DARS1: variants seen among roughly 807,000 people sequenced by gnomAD.
DARS1 encodes the protein aspartate--tRNA ligase, cytoplasmic.
Under a neutral mutation model 68.8 loss-of-function variants are expected in DARS1, and 51 were observed. That is an observed-to-expected ratio of 0.74 (90% confidence interval 0.59 to 0.94). DARS1 has a LOEUF of 0.94. Ranked by LOEUF, DARS1 falls within the 40% of genes least tolerant of loss-of-function variation. The pLI, the probability that DARS1 is intolerant of heterozygous loss-of-function variation, is 0.00. For synonymous variants in DARS1, 203 were observed against 190.4 expected, an observed-to-expected ratio of 1.07 and a Z score of -0.55; for missense variants, 607 against 597.3, an observed-to-expected ratio of 1.02 and a Z score of -0.17.
Position 135,914,472 on chromosome 2 carries a change from T to C in DARS1, c.1146A>G (p.Glu382=), listed in dbSNP as rs1680964345. The change falls in exon 12 of 16, where the codon GAA becomes GAG. Residue 382 remains glutamate (E), a synonymous_variant. Coordinates refer to ENST00000264161, the MANE Select transcript of DARS1 (RefSeq NM_001349.4). ...TCCAGCATATAAAGAGTCCTACCTT[T>C]TCCTTTACCAAATGACCCAACAGCT... ...NEKLLGHLVK[E]KYDTDFYILD... 1 of 1,391,238 alleles carries C rather than the reference T, an allele frequency of 7.2e-7. No homozygotes were observed. Among genetic ancestry groups the C allele is most frequent in the Non-Finnish European group, 1.0e-6 (1 of 976,674 alleles). The allele number at this position is 1,391,238 out of a possible 1,614,324, so 86.2% of individuals were successfully genotyped here. A position where few individuals can be genotyped will look rare whatever the true frequency, so the allele number is the denominator to read the frequency against.
At chr2:135,959,742 T>C (rs938789337) in intron 4 of DARS1, among the ~76,000 whole-genome samples, 3 of 152,316 alleles carry the variant, frequency 2.0e-5, no homozygotes, top group Admixed American at 2.0e-4. Flanking sequence ...TGCCTCTCAC[T>C]GAATATTATG....
intron 3 of DARS1, among the ~76,000 whole-genome samples, chr2:135,977,409 A>C (rs1361668831): frequency 1.3e-5 from 2 of 152,240 alleles, no homozygotes; most frequent in Non-Finnish European, 2.9e-5. Flanking sequence ...GAAGAAACAG[A>C]CATGGCAGTC....
At position 135,908,936 on chromosome 2, in the gene DARS1, C is replaced by T. The variant is rs149498040; in HGVS notation, c.1415-1529G>A. Among the ~76,000 whole-genome samples the T allele has an allele frequency of 8.9e-3, 1,358 of 152,154 alleles. 15 individuals carry two copies. The highest frequency in any genetic ancestry group is 0.029 in the African/African-American group (1,217 of 41,496). On this transcript the variant is annotated intron_variant, in intron 15 of 15. Transcript: ENST00000264161. ...AAGTAAACGTAGTACATATATACCA[C>T]GGAATACTATGCAGCCATAAAAAGG... is the stretch of plus-strand genomic sequence containing the variant.
intron 7 of DARS1, among the ~76,000 whole-genome samples, chr2:135,925,572 T>C (rs1458529662): frequency 1.3e-5 from 2 of 152,252 alleles, no homozygotes; most frequent in Non-Finnish European, 2.9e-5. Context: ...AAAACATTCA[T>C]GTAAACTGGT....
In DARS1 at chr2:135,907,255, T is replaced by TTTTTTTTTTTTTTTTTTTTTTTTG. The variant is rs1680804838; in HGVS notation, c.*60_*61insCAAAAAAAAAAAAAAAAAAAAAAA. ...AAGTGTGGCTTTCTTTTTTTTTTTT[T>TTTTTTTTTTTTTTTTTTTTTTTTG]TTTTTTGAGGCAGGGTCTCGCTCTG... On this transcript the variant is annotated 3_prime_UTR_variant, in exon 16 of 16. Coordinates refer to ENST00000264161, the MANE Select transcript of DARS1 (RefSeq NM_001349.4). The TTTTTTTTTTTTTTTTTTTTTTTTG allele has an allele frequency of 1.1e-6, 1 of 905,330 alleles. No individual in the cohort carries two copies. The highest frequency in any genetic ancestry group is 1.8e-5 in the African/African-American group (1 of 55,112). The allele number at this position is 905,330 out of a possible 1,614,324, so 56.1% of individuals were successfully genotyped here. A position where few individuals can be genotyped will look rare whatever the true frequency, so the allele number is the denominator to read the frequency against.
chr2:135,933,492 C>T (rs1418247905), intron 6 of DARS1, among the ~76,000 whole-genome samples: 1 of 152,172 alleles, frequency 6.6e-6, no homozygotes, highest in Non-Finnish European at 1.5e-5. Context: ...AGGCAATGGA[C>T]TGCTAAATAC....
chr2:135,912,768 A>G (rs1240745381), intron 12 of DARS1, among the ~76,000 whole-genome samples: 1 of 151,636 alleles, frequency 6.6e-6, no homozygotes, highest in African/African-American at 2.4e-5. Flanking sequence ...GCAATACCTA[A>G]TTTTTAGGCA....
chr2:135,937,245 C>A (rs989236605), intron 5 of DARS1, among the ~76,000 whole-genome samples: 5 of 152,000 alleles, frequency 3.3e-5, no homozygotes, highest in African/African-American at 1.2e-4. Flanking sequence ...CCTGCCACCA[C>A]GCCTGGCTAA....
chr2:135,911,590 T>C (rs1680898040), intron 13 of DARS1, 97 bp from the exon 14 acceptor site: 1 of 657,620 alleles, frequency 1.5e-6, no homozygotes. Flanking sequence ...AGCAAGTTCA[T>C]TTTTTCCTAC....
chr2:135,945,180 T>G (rs1024004544), intron 4 of DARS1, among the ~76,000 whole-genome samples: 1 of 151,718 alleles, frequency 6.6e-6, no homozygotes, highest in South Asian at 2.1e-4. Context: ...TAGGCTGGAG[T>G]GCAGTGGCTC....
Position 135,961,297 on chromosome 2 carries a change from C to T in DARS1, c.320+99G>A, listed in dbSNP as rs139314874. 3.4e-4 allele frequency: 237 copies of T among 695,328 alleles called. 2 individuals are homozygous for T. The East Asian group carries it at 6.2e-3, about 18-fold the overall frequency. The allele number at this position is 695,328 out of a possible 1,614,324, so 43.1% of individuals were successfully genotyped here. ...TTAAATAACTACATTTTTAAACAAA[C>T]GAAGCATTGATGTTAATGTATGAAA... On this transcript the variant is annotated intron_variant, in intron 4 of 15. Coordinates refer to ENST00000264161, the MANE Select transcript of DARS1 (RefSeq NM_001349.4).
At chr2:135,970,350 T>C (rs563121677) in intron 3 of DARS1, among the ~76,000 whole-genome samples, 2 of 149,100 alleles carry the variant, frequency 1.3e-5, no homozygotes, top group Admixed American at 6.7e-5. Flanking sequence ...CTGGAAACTA[T>C]ATAAACACAT....
At chr2:135,935,357 G>T (rs1681444469) in intron 5 of DARS1, among the ~76,000 whole-genome samples, 1 of 152,062 alleles carries the variant, frequency 6.6e-6, no homozygotes, top group Admixed American at 6.5e-5. Flanking sequence ...AGCACTTTGG[G>T]AGGCCGAGGC....
At chr2:135,941,252 T>C (rs2104817259) in intron 5 of DARS1, among the ~76,000 whole-genome samples, 1 of 152,332 alleles carries the variant, frequency 6.6e-6, no homozygotes, top group African/African-American at 2.4e-5. Flanking sequence ...GCTACCTGAC[T>C]TCAAACTATA....
intron 7 of DARS1, among the ~76,000 whole-genome samples, chr2:135,929,703 G>C (rs1450277001): frequency 1.3e-5 from 2 of 152,182 alleles, no homozygotes; most frequent in Non-Finnish European, 2.9e-5. Context: ...AAAGAGTTGA[G>C]ATTTTAATTT....
chr2:135,921,331 T>TAG (rs1681107703), intron 9 of DARS1, among the ~76,000 whole-genome samples: 3 of 151,976 alleles, frequency 2.0e-5, no homozygotes, highest in Admixed American at 6.5e-5. Context: ...TAACCTATAT[T>TAG]TCTCACTTCT....
rs748477317 is a variant in DARS1, at chr2:135,985,365, G to T, written c.66+38C>A. 1.9e-5 allele frequency: 31 copies of T among 1,609,140 alleles called. No individual in the cohort carries two copies. The Middle Eastern group carries it at 1.3e-3, about 69-fold the overall frequency. The stretch of plus-strand genomic sequence containing the variant: ...CTCCCTCGGCGCAGCCCGGCCCAGG[G>T]GTCTGTCCTCCCAGGCCCAGGAAAG... On this transcript the variant is annotated intron_variant, in intron 1 of 15. Transcript: ENST00000264161.
chr2:135,944,818 T>A lies in DARS1; in HGVS notation c.321-1338A>T, dbSNP rs551134912. ...ATCTAGTGTCACTGAACTGAATCTATCTTCAATTTGACTGCCACCTACCAG... is the reference window on the plus strand; with the variant it reads ...ATCTAGTGTCACTGAACTGAATCTAACTTCAATTTGACTGCCACCTACCAG... On this transcript the variant is annotated intron_variant, in intron 4 of 15. Coordinates refer to ENST00000264161, the MANE Select transcript of DARS1 (RefSeq NM_001349.4). Among the ~76,000 whole-genome samples the A allele has an allele frequency of 3.3e-5, 5 of 152,308 alleles. No individual in the cohort carries two copies. The South Asian group carries it at 1.0e-3, about 32-fold the overall frequency.
intron 4 of DARS1, among the ~76,000 whole-genome samples, chr2:135,957,266 C>T (rs991393426): frequency 1.3e-5 from 2 of 151,590 alleles, no homozygotes; most frequent in East Asian, 3.9e-4. Context: ...CTCGCTCTGT[C>T]GCCCAGGCTG....
Sources: gnomAD v4.1 joint callset for allele counts (sites outside exome capture counted in the v4.1 genomes callset) on GRCh38, gnomAD v4.1.1 for gene constraint, MANE v1.5 for transcripts, NCBI Gene and HGNC (gene_info 2026-07-23, HGNC 2026-07-21) for gene names.